ZC3H4: variants seen among roughly 807,000 people sequenced by gnomAD.
ZC3H4 encodes zinc finger CCCH-type containing 4.
In ZC3H4, 13 loss-of-function variants were observed where a neutral mutation model predicts 108.3. The observed-to-expected ratio is 0.12, with a 90% confidence interval of 0.08 to 0.19. ZC3H4 has a LOEUF of 0.19. Among genes scored for constraint, ZC3H4 ranks in the 10% least tolerant of loss-of-function variants. The pLI, the probability that ZC3H4 is intolerant of heterozygous loss-of-function variation, is 1.00. For synonymous variants in ZC3H4, 917 were observed against 749.6 expected, an observed-to-expected ratio of 1.22 and a Z score of -3.65; for missense variants, 1,734 against 1,838.8, an observed-to-expected ratio of 0.94 and a Z score of 1.04.
Position 47,072,633 on chromosome 19 carries a change from C to T in ZC3H4, c.1521G>A (p.Leu507=). 6.2e-7 allele frequency: 1 copy of T among 1,612,644 alleles called. No homozygotes were observed. Among genetic ancestry groups the T allele is most frequent in the Non-Finnish European group, 8.5e-7 (1 of 1,179,846 alleles). Residue 507 remains leucine, a synonymous_variant, in exon 12 of 15, where the codon CTG becomes CTA. Transcript: ENST00000253048. This position sits in a 1 kb window ranked among gnomAD's most constrained non-coding sequence, Gnocchi z 5.6. ...EELKKQGINP[L]PKPPPGVGLL... Reference sequence around the variant, plus strand: ...GGCCCACACCAGGGGGCGGTTTGGGCAGGGGGTTGATGCCCTGCTTCTTCA... The same window carrying T: ...GGCCCACACCAGGGGGCGGTTTGGGTAGGGGGTTGATGCCCTGCTTCTTCA...
intron 11 of ZC3H4, among the ~76,000 whole-genome samples, chr19:47,078,675 C>T (rs1201847075): frequency 6.6e-6 from 1 of 152,080 alleles, no homozygotes; most frequent in East Asian, 1.9e-4. Context: ...GCCTGGCCAA[C>T]AGGGTGAAAC....
intron 13 of ZC3H4, 132 bp downstream of exon 13, chr19:47,071,646 A>G: frequency 2.1e-6 from 2 of 962,800 alleles, no homozygotes; most frequent in South Asian, 1.8e-5. Flanking sequence ...ACATTCAACC[A>G]TTAAATGGGA....
intron 2 of ZC3H4, among the ~76,000 whole-genome samples, chr19:47,106,654 A>T (rs1403268046): frequency 6.6e-6 from 1 of 152,232 alleles, no homozygotes; most frequent in South Asian, 2.1e-4. Flanking sequence ...TCGTGGCCAG[A>T]AACTGTAGAA....
chr19:47,110,772 G>A (rs982223233), intron 2 of ZC3H4: 3 of 462,344 alleles, frequency 6.5e-6, no homozygotes, highest in Non-Finnish European at 8.5e-6. Context: ...AGGGCTTAGC[G>A]AACAGACCTT....
At chr19:47,085,237 TCCCCCA>T in intron 7 of ZC3H4, 42 bp from the exon 8 acceptor site, 1 of 813,254 alleles carries the variant, frequency 1.2e-6, no homozygotes, top group Non-Finnish European at 1.8e-6. Context: ...GACCACCCCC[TCCCCCA>T]CCCCCAGGAC....
Position 47,071,793 on chromosome 19 carries a change from G to A in ZC3H4, c.2131C>T (p.Leu711Phe). The stretch of plus-strand genomic sequence containing the variant: ...TCCCGCATACCTGCATCCCCCAGGA[G>A]TCCGGGCTCCATCTCCATGCCCTCC... ...QQEGMEMEPG[L>F]LGDAEDYGHY... Residue 711 changes from leucine (L) to phenylalanine (F), a missense_variant, in exon 13 of 15, where the codon CTC (leucine) becomes TTC (phenylalanine). By Grantham distance (22) the Leu-to-Phe change is conservative (BLOSUM62 0). This residue lies in a region of ZC3H4 where 540 missense variants were observed against 484.1 expected (regional missense o/e 1.12). Coordinates refer to ENST00000253048, the MANE Select transcript of ZC3H4 (RefSeq NM_015168.2). The A allele has an allele frequency of 6.2e-7, 1 of 1,611,402 alleles. No homozygotes were observed.
intron 5 of ZC3H4, among the ~76,000 whole-genome samples, chr19:47,087,762 T>C (rs1396853910): frequency 6.6e-6 from 1 of 152,014 alleles, no homozygotes; most frequent in Admixed American, 6.6e-5. Context: ...TAATCCCAGC[T>C]ACTGGAGAGG....
intron 11 of ZC3H4, among the ~76,000 whole-genome samples, chr19:47,080,597 C>A (rs78217089): frequency 0.011 from 1,694 of 152,084 alleles, 23 homozygotes; most frequent in African/African-American, 0.04. Flanking sequence ...CTGGACTCAA[C>A]AGATCCTCCC....
intron 4 of ZC3H4, among the ~76,000 whole-genome samples, chr19:47,092,698 T>A (rs2057754884): frequency 6.6e-6 from 1 of 151,972 alleles, no homozygotes; most frequent in Admixed American, 6.6e-5. Context: ...ATGCCTGTAA[T>A]CCCAGCTACT....
At chr19:47,089,909 G>C in intron 5 of ZC3H4, 58 bp downstream of exon 5, 1 of 1,576,412 alleles carries the variant, frequency 6.3e-7, no homozygotes, top group Non-Finnish European at 8.7e-7. Context: ...CCAGGCCACC[G>C]GGGTTGGCCC....
chr19:47,108,650 G>A (rs1372593832), intron 2 of ZC3H4, among the ~76,000 whole-genome samples: 1 of 152,176 alleles, frequency 6.6e-6, no homozygotes, highest in African/African-American at 2.4e-5. Context: ...TGAACAGCCA[G>A]GTCCACAGGT....
At chr19:47,086,301 T>C (rs2057621222) in intron 6 of ZC3H4, 83 bp downstream of exon 6, 16 of 1,558,434 alleles carry the variant, frequency 1.0e-5, no homozygotes, top group Non-Finnish European at 1.4e-5. Context: ...TACCTTGGCC[T>C]CACAGCCTCT....
chr19:47,066,632 C>G lies in ZC3H4; in HGVS notation c.3636G>C (p.Thr1212=). Residue 1212 remains threonine, a synonymous_variant, in exon 15 of 15, where the codon ACG becomes ACC. Transcript: ENST00000253048. ...GCCGGTTGTAGCTGTTGTATCTGTC[C>G]GTGGGGGTGCCCCCATCAGCACCGG... The part of the protein sequence containing the change: ...GKAGADGGTP[T]DRYNSYNRPR... 6.2e-7 allele frequency: 1 copy of G among 1,611,782 alleles called. No homozygotes were observed. Among genetic ancestry groups the G allele is most frequent in the Non-Finnish European group, 8.5e-7 (1 of 1,179,568 alleles).
At chr19:47,107,831 A>G (rs1053997236) in intron 2 of ZC3H4, among the ~76,000 whole-genome samples, 11 of 152,156 alleles carry the variant, frequency 7.2e-5, no homozygotes, top group African/African-American at 2.7e-4. Context: ...AACTGTACAC[A>G]ATGTCTTCAA....
rs1319218983 is a variant in ZC3H4, at chr19:47,064,738, AAAAAGAC to A, written c.*1611_*1617del. On this transcript the variant is annotated 3_prime_UTR_variant, in exon 15 of 15. Transcript: ENST00000253048. Reference sequence around the variant, plus strand: ...TGATTGTGTAAAAAAAAAAAAAAAAAAAAAGACAAAAAGACAAACCAACCAACCAGAT... The same window carrying A: ...TGATTGTGTAAAAAAAAAAAAAAAAAAAAAAGACAAACCAACCAACCAGAT... 9 of 151,386 alleles carry A rather than the reference AAAAAGAC, an allele frequency of 5.9e-5. No individual in the cohort carries two copies. The highest frequency in any genetic ancestry group is 4.0e-4 in the Admixed American group (6 of 15,186). 9.4% of individuals were successfully genotyped at this position (151,386 alleles called of 1,614,324 possible). A position where few individuals can be genotyped will look rare whatever the true frequency, so the allele number is the denominator to read the frequency against.
chr19:47,067,785 G>C lies in ZC3H4; in HGVS notation c.2483C>G (p.Thr828Arg), dbSNP rs896149481. The C allele has an allele frequency of 6.2e-7, 1 of 1,609,386 alleles. No homozygotes were observed. The highest frequency in any genetic ancestry group is 1.1e-5 in the South Asian group (1 of 90,320). ...TSILKTLRQQ[T>R]SSRPPASVGE... The stretch of plus-strand genomic sequence containing the variant: ...AACTGAAGCCGGGGGTCGGCTGGAC[G>C]TCTGCTGCCTCAAGGTCTTCAGGAT... Residue 828 changes from threonine to arginine, a missense_variant, in exon 15 of 15, where the codon ACG becomes AGG. Physicochemically the swap from Thr to Arg is moderately conservative, Grantham distance 71. Transcript: ENST00000253048. This position sits in a 1 kb window ranked among gnomAD's most constrained non-coding sequence, Gnocchi z 6.4.
At chr19:47,076,446 T>C (rs1041055497) in intron 11 of ZC3H4, among the ~76,000 whole-genome samples, 27 of 152,194 alleles carry the variant, frequency 1.8e-4, no homozygotes, top group African/African-American at 5.8e-4. Flanking sequence ...TGCCAGGCAC[T>C]GGAGATGTGG....
chr19:47,109,942 G>A (rs780746986), intron 2 of ZC3H4, among the ~76,000 whole-genome samples: 2 of 152,138 alleles, frequency 1.3e-5, no homozygotes, highest in Non-Finnish European at 2.9e-5. Context: ...TCCTTGTTAC[G>A]TGGAGGCCGG....
In ZC3H4 at chr19:47,072,862, C is replaced by T. The variant is rs2057355330; in HGVS notation, c.1441-149G>A. 5.7e-6 allele frequency: 5 copies of T among 871,578 alleles called. No homozygotes were observed. 54.0% of individuals were successfully genotyped at this position (871,578 alleles called of 1,614,324 possible). On this transcript the variant is annotated intron_variant, in intron 11 of 14. Transcript: ENST00000253048. This position sits in a 1 kb window ranked among gnomAD's most constrained non-coding sequence, Gnocchi z 5.6. Reference sequence around the variant, plus strand: ...CATAAAGACCACAATGGCTCTGTAACAAAAATCATCATCAGCCACCTCTCT... The same window carrying T: ...CATAAAGACCACAATGGCTCTGTAATAAAAATCATCATCAGCCACCTCTCT...
Sources: allele counts gnomAD v4.1 joint callset (sites outside exome capture counted in the v4.1 genomes callset), GRCh38; gene constraint gnomAD v4.1.1; regional missense constraint gnomAD v4.1.1; non-coding constraint Gnocchi (gnomAD v3.1); transcripts MANE v1.5; gene names NCBI Gene and HGNC (gene_info 2026-07-23, HGNC 2026-07-21).